Variants in TTYH1 observed in about 807,000 individuals in gnomAD.
TTYH1 encodes the protein tweety family member 1.
In TTYH1, 33 loss-of-function variants were observed where a neutral mutation model predicts 61.2. The observed-to-expected ratio is 0.54, with a 90% CI of 0.41 to 0.72. The LOEUF (loss-of-function observed/expected upper bound fraction) is 0.72. TTYH1 is among the 30% of genes least tolerant of loss of function. The probability of loss-of-function intolerance (pLI) is 0.00; values close to 1 mark genes in which losing one functional copy is unlikely to be tolerated. For missense variants in TTYH1, 538 were observed against 575.8 expected (o/e 0.93, Z 0.67); for synonymous variants, 308 against 266.4 (o/e 1.16, Z -1.52).
chr19:54,426,493 CTA>C (rs1457799593), intron 4 of TTYH1, 178 bp from the exon 5 acceptor site: 5 of 628,046 alleles, frequency 8.0e-6, no homozygotes, highest in Middle Eastern at 4.3e-4. Flanking sequence ...CATGATAACA[CTA>C]TTTCACAGAG....
rs1023592006 is a variant in TTYH1, at chr19:54,416,168, C to G, written c.126+490C>G. 3 of 923,354 alleles carry G rather than the reference C, an allele frequency of 3.2e-6. No homozygotes were observed. The highest frequency in any genetic ancestry group is 3.1e-6 in the Non-Finnish European group (2 of 646,338). 57.2% of individuals were successfully genotyped at this position (923,354 alleles called of 1,614,324 possible). A position where few individuals can be genotyped will look rare whatever the true frequency, so the allele number is the denominator to read the frequency against. Reference sequence around the variant, plus strand: ...GCGGTGCTGGGATGGGATTGAGAGTCTGAAATGGGGAAGGGGGCTTCAGGG... The same window carrying G: ...GCGGTGCTGGGATGGGATTGAGAGTGTGAAATGGGGAAGGGGGCTTCAGGG... On this transcript the variant is annotated intron_variant, in intron 1 of 13. Coordinates refer to ENST00000376530, the MANE Select transcript of TTYH1 (RefSeq NM_020659.4). This position sits in a 1 kb window ranked among gnomAD's most constrained non-coding sequence, Gnocchi z 7.0.
rs1033377612 is a variant in TTYH1, at chr19:54,416,215, A to G, written c.126+537A>G. Reference sequence around the variant, plus strand: ...AGGGGCTGAGGACCAGGGCTGGAAAATGAAGGGGCTCTGGGAGAGGAAGCT... The same window carrying G: ...AGGGGCTGAGGACCAGGGCTGGAAAGTGAAGGGGCTCTGGGAGAGGAAGCT... On this transcript the variant is annotated intron_variant, in intron 1 of 13. Coordinates refer to ENST00000376530, the MANE Select transcript of TTYH1 (RefSeq NM_020659.4). This position sits in a 1 kb window ranked among gnomAD's most constrained non-coding sequence, Gnocchi z 7.0. 6.3e-6 allele frequency: 3 copies of G among 477,036 alleles called. No individual in the cohort carries two copies. The highest frequency in any genetic ancestry group is 6.1e-5 in the African/African-American group (3 of 48,910). The allele number at this position is 477,036 out of a possible 1,614,324, so 29.6% of individuals were successfully genotyped here.
In TTYH1 at chr19:54,416,895, G is replaced by A. The variant is rs1599879414; in HGVS notation, c.126+1217G>A. ...CCGGAGACCTCCCGAAGCCGCACGCGGGGATCCGCGGCCCCAGTCACCGCC... is the reference window on the plus strand; with the variant it reads ...CCGGAGACCTCCCGAAGCCGCACGCAGGGATCCGCGGCCCCAGTCACCGCC... On this transcript the variant is annotated intron_variant, in intron 1 of 13. Transcript: ENST00000376530. The surrounding 1 kb of genome is among the most constrained non-coding windows in gnomAD (Gnocchi z 7.0). 2 of 1,287,488 alleles carry A rather than the reference G, an allele frequency of 1.6e-6. No individual in the cohort carries two copies. Among genetic ancestry groups the A allele is most frequent in the East Asian group, 5.6e-5 (1 of 17,750 alleles). The allele number at this position is 1,287,488 out of a possible 1,614,324, so 79.8% of individuals were successfully genotyped here.
Position 54,421,186 on chromosome 19 carries a change from A to G in TTYH1, c.306-91A>G. 1.3e-6 allele frequency: 1 copy of G among 793,624 alleles called. No individual in the cohort carries two copies. The highest frequency in any genetic ancestry group is 1.5e-5 in the South Asian group (1 of 67,914). The allele number at this position is 793,624 out of a possible 1,614,324, so 49.2% of individuals were successfully genotyped here. A position where few individuals can be genotyped will look rare whatever the true frequency, so the allele number is the denominator to read the frequency against. On this transcript the variant is annotated intron_variant, in intron 2 of 13. Transcript: ENST00000376530. The surrounding 1 kb of genome is among the most constrained non-coding windows in gnomAD (Gnocchi z 4.8). ...GGCTGAGATGGGAGGGGTGGATAAG[A>G]AGGCGAGGTGGAGGGGATGGGGTGG...
intron 4 of TTYH1, 27 bp downstream of exon 4, chr19:54,422,437 G>A: frequency 6.7e-7 from 1 of 1,486,520 alleles, no homozygotes; most frequent in East Asian, 2.4e-5. Flanking sequence ...CTTGCTCTCT[G>A]TGCCGGCAGC....
chr19:54,431,098 G>A lies in TTYH1; in HGVS notation c.1033-1G>A. 6.2e-7 allele frequency: 1 copy of A among 1,612,816 alleles called. No individual in the cohort carries two copies. Among genetic ancestry groups the A allele is most frequent in the South Asian group, 1.1e-5 (1 of 91,066 alleles). The stretch of plus-strand genomic sequence containing the variant: ...GAAAACGACCCCTCCTCGCCCCGCA[G>A]AAGCCTCTGCTGTCCTTGGAGGAGA... On this transcript the variant is annotated splice_acceptor_variant, in intron 9 of 13. Transcript: ENST00000376530. LOFTEE classifies it high-confidence loss of function.
Position 54,419,051 on chromosome 19 carries a change from C to T in TTYH1, c.127-77C>T. 6.8e-7 allele frequency: 1 copy of T among 1,460,008 alleles called. No individual in the cohort carries two copies. Among genetic ancestry groups the T allele is most frequent in the Non-Finnish European group, 9.3e-7 (1 of 1,077,392 alleles). The allele number at this position is 1,460,008 out of a possible 1,614,324, so 90.4% of individuals were successfully genotyped here. A position where few individuals can be genotyped will look rare whatever the true frequency, so the allele number is the denominator to read the frequency against. ...CTCTGACATCCCAGACCCCGACCCC[C>T]CAGCCACGCAGGAAGGGGGATCTGA... On this transcript the variant is annotated intron_variant, in intron 1 of 13. Coordinates refer to ENST00000376530, the MANE Select transcript of TTYH1 (RefSeq NM_020659.4). The surrounding 1 kb of genome is among the most constrained non-coding windows in gnomAD (Gnocchi z 6.1).
In TTYH1 at chr19:54,427,839, C is replaced by T. The variant is rs535270898; in HGVS notation, c.734+1071C>T. On this transcript the variant is annotated intron_variant, in intron 5 of 13. Coordinates refer to ENST00000376530, the MANE Select transcript of TTYH1 (RefSeq NM_020659.4). ...GATTTCACAGCTCGCTCTACGCGCC[C>T]GACACTCTTCTCTGCACTCCCTGGA... is the stretch of plus-strand genomic sequence containing the variant. 7.0e-4 allele frequency among the ~76,000 whole-genome samples: 106 copies of T among 152,224 alleles called. 1 individual carries two copies. The South Asian group carries it at 0.021, about 30-fold the overall frequency.
intron 4 of TTYH1, among the ~76,000 whole-genome samples, chr19:54,423,803 GA>G (rs541409537): frequency 4.9e-4 from 75 of 152,304 alleles, no homozygotes; most frequent in African/African-American, 1.7e-3. Flanking sequence ...CCTCCGGGGG[GA>G]ACCAGCAAGG....
In TTYH1 at chr19:54,429,810, G is replaced by A; in HGVS notation, c.808-72G>A. ...GTGGGGAGGGGAGCTGGGGAGCCAG[G>A]CACTGGGTGCTGTGGGAGTGTGGAA... is the stretch of plus-strand genomic sequence containing the variant. On this transcript the variant is annotated intron_variant, in intron 6 of 13. Coordinates refer to ENST00000376530, the MANE Select transcript of TTYH1 (RefSeq NM_020659.4). This position sits in a 1 kb window ranked among gnomAD's most constrained non-coding sequence, Gnocchi z 5.1. 1.5e-6 allele frequency: 2 copies of A among 1,371,200 alleles called. No homozygotes were observed. Among genetic ancestry groups the A allele is most frequent in the East Asian group, 2.3e-5 (1 of 43,712 alleles). The allele number at this position is 1,371,200 out of a possible 1,614,324, so 84.9% of individuals were successfully genotyped here. A position where few individuals can be genotyped will look rare whatever the true frequency, so the allele number is the denominator to read the frequency against.
chr19:54,426,890 A>G (rs1263928648), intron 5 of TTYH1, 122 bp downstream of exon 5: 2 of 853,938 alleles, frequency 2.3e-6, no homozygotes, highest in African/African-American at 3.4e-5. Context: ...ACACACGAAG[A>G]AAAGAGAGTC....
chr19:54,422,543 G>A (rs2083240807), intron 4 of TTYH1, 133 bp downstream of exon 4: 1 of 714,586 alleles, frequency 1.4e-6, no homozygotes, highest in African/African-American at 1.8e-5. Flanking sequence ...GGCATCCAAT[G>A]GGTAGAGCCC....
rs1364265799 is a variant in TTYH1 at position 54,416,266 on chromosome 19, G to A, written c.126+588G>A. ...TCTTGCCCGTCCCAAGAAAGAAGGG[G>A]TGGTCAGGGCGCTGCAGGGGTGAGG... On this transcript the variant is annotated intron_variant, in intron 1 of 13. Transcript: ENST00000376530. The surrounding 1 kb of genome is among the most constrained non-coding windows in gnomAD (Gnocchi z 7.0). The A allele has an allele frequency of 9.0e-6, 3 of 335,078 alleles. No individual in the cohort carries two copies. The highest frequency in any genetic ancestry group is 2.2e-5 in the African/African-American group (1 of 45,742). 20.8% of individuals were successfully genotyped at this position (335,078 alleles called of 1,614,324 possible).
At chr19:54,435,911 G>A in intron 12 of TTYH1, 38 bp downstream of exon 12, 2 of 1,610,200 alleles carry the variant, frequency 1.2e-6, no homozygotes, top group African/African-American at 1.3e-5. Context: ...AGGGGCGGGG[G>A]GTCCTGAACT....
Position 54,416,959 on chromosome 19 carries a change from G to A in TTYH1, c.126+1281G>A. ...TGGGGGAGCCTCACTCCGCCCCCACGGTCGGGGGTCAGGGTCAGGGTGGCA... is the reference window on the plus strand; with the variant it reads ...TGGGGGAGCCTCACTCCGCCCCCACAGTCGGGGGTCAGGGTCAGGGTGGCA... On this transcript the variant is annotated intron_variant, in intron 1 of 13. Coordinates refer to ENST00000376530, the MANE Select transcript of TTYH1 (RefSeq NM_020659.4). This position sits in a 1 kb window ranked among gnomAD's most constrained non-coding sequence, Gnocchi z 7.0. The A allele has an allele frequency of 8.1e-7, 1 of 1,239,362 alleles. No individual in the cohort carries two copies. 76.8% of individuals were successfully genotyped at this position (1,239,362 alleles called of 1,614,324 possible).
In TTYH1 at chr19:54,429,274, A is replaced by G. The variant is rs1431784685; in HGVS notation, c.735-33A>G. On this transcript the variant is annotated intron_variant, in intron 5 of 13. Coordinates refer to ENST00000376530, the MANE Select transcript of TTYH1 (RefSeq NM_020659.4). This position sits in a 1 kb window ranked among gnomAD's most constrained non-coding sequence, Gnocchi z 5.1. Reference sequence around the variant, plus strand: ...AAAGAGGCTAGGCTAGGAGATTAAGAACCCCGGGCTGATCCTCCCTCCCCC... The same window carrying G: ...AAAGAGGCTAGGCTAGGAGATTAAGGACCCCGGGCTGATCCTCCCTCCCCC... The G allele has an allele frequency of 6.2e-7, 1 of 1,606,050 alleles. No homozygotes were observed. Among genetic ancestry groups the G allele is most frequent in the Non-Finnish European group, 8.5e-7 (1 of 1,173,072 alleles).
chr19:54,420,910 C>T lies in TTYH1; in HGVS notation c.306-367C>T, dbSNP rs967529469. 1.3e-5 allele frequency: 4 copies of T among 317,978 alleles called. No individual in the cohort carries two copies. The highest frequency in any genetic ancestry group is 6.4e-5 in the African/African-American group (3 of 46,956). The allele number at this position is 317,978 out of a possible 1,614,324, so 19.7% of individuals were successfully genotyped here. A position where few individuals can be genotyped will look rare whatever the true frequency, so the allele number is the denominator to read the frequency against. The stretch of plus-strand genomic sequence containing the variant: ...AGGGCTGCCTGCCTGGCAAAGGATG[C>T]GGGGGAAGGGTGTGGGGCAGGCAGT... On this transcript the variant is annotated intron_variant, in intron 2 of 13. Transcript: ENST00000376530. This position sits in a 1 kb window ranked among gnomAD's most constrained non-coding sequence, Gnocchi z 4.8.
rs760221524 is a variant in TTYH1, at chr19:54,436,390, A to G, written c.*100A>G. The G allele has an allele frequency of 1.9e-6, 3 of 1,613,704 alleles. No individual in the cohort carries two copies. The highest frequency in any genetic ancestry group is 2.5e-6 in the Non-Finnish European group (3 of 1,179,778). ...AACCCAGCCTGCCTGGGCTCTGACC[A>G]CTAACACTCTTGGCCATGGACAGCC... On this transcript the variant is annotated 3_prime_UTR_variant, in exon 14 of 14. Transcript: ENST00000376530. The surrounding 1 kb of genome is among the most constrained non-coding windows in gnomAD (Gnocchi z 4.3).
intron 10 of TTYH1, chr19:54,432,082 A>C (rs1250437775): frequency 6.6e-6 from 1 of 152,090 alleles, no homozygotes; most frequent in African/African-American, 2.4e-5. Context: ...TTAGCCGGGC[A>C]TGGTGGTGGG....
Sources: gnomAD v4.1 joint callset for allele counts (sites outside exome capture counted in the v4.1 genomes callset) on GRCh38, gnomAD v4.1.1 for gene constraint, Gnocchi (gnomAD v3.1) non-coding constraint, MANE v1.5 for transcripts, NCBI Gene and HGNC (gene_info 2026-07-23, HGNC 2026-07-21) for gene names.